The following HS3ST5 variants were observed in gnomAD, a reference collection of about 807,000 sequenced individuals.
The protein encoded by HS3ST5 is heparan sulfate glucosamine 3-O-sulfotransferase 5.
Under a neutral mutation model 25.4 loss-of-function variants are expected in HS3ST5, and 10 were observed. That is an observed-to-expected ratio of 0.39 (90% CI 0.24 to 0.67). HS3ST5 has a LOEUF of 0.67. Ranked by LOEUF, HS3ST5 falls within the 30% of genes least tolerant of loss-of-function variation. The probability of loss-of-function intolerance (pLI) is 0.44; values close to 1 mark genes in which losing one functional copy is unlikely to be tolerated. For missense variants in HS3ST5, 324 were observed against 420.7 expected (o/e 0.77, Z 2.01); for synonymous variants, 170 against 162.4 (o/e 1.05, Z -0.36).
intron 2 of HS3ST5, among the ~76,000 whole-genome samples, chr6:114,226,822 T>C (rs1029181781): frequency 2.6e-5 from 4 of 151,954 alleles, no homozygotes; most frequent in Non-Finnish European, 5.9e-5. Flanking sequence ...ATAATGAACA[T>C]GATTCACTTC....
rs566875236 is a variant in HS3ST5, at chr6:114,299,187, T to G, written c.-339+43008A>C. ...AATGGCCCCCTTGGGTGTAGCCATC[T>G]TCTATGGTTGAAACTGTAGGGATGA... is the stretch of plus-strand genomic sequence containing the variant. On this transcript the variant is annotated intron_variant, in intron 1 of 4. Coordinates refer to ENST00000312719, the MANE Select transcript of HS3ST5 (RefSeq NM_153612.4). 7.2e-5 allele frequency among the ~76,000 whole-genome samples: 11 copies of G among 152,300 alleles called. No individual in the cohort carries two copies. In the East Asian group the frequency reaches 2.1e-3, roughly 29 times the overall value.
At chr6:114,117,620 T>A (rs2114866266) in intron 3 of HS3ST5, among the ~76,000 whole-genome samples, 1 of 152,276 alleles carries the variant, frequency 6.6e-6, no homozygotes. Context: ...GGCCATCCAA[T>A]CTAACTTCTT....
At chr6:114,303,945 C>T (rs1391412422) in intron 1 of HS3ST5, among the ~76,000 whole-genome samples, 4 of 152,146 alleles carry the variant, frequency 2.6e-5, no homozygotes, top group African/African-American at 7.2e-5. Flanking sequence ...GTTTATAAAA[C>T]CACAGTAATG....
intron 1 of HS3ST5, among the ~76,000 whole-genome samples, chr6:114,268,382 G>A (rs74887753): frequency 0.016 from 2,426 of 152,146 alleles, 79 homozygotes; most frequent in African/African-American, 0.055. Flanking sequence ...CTGACTTTGA[G>A]GAATAGAAAA....
At chr6:114,319,447 T>C (rs1210867453) in intron 1 of HS3ST5, among the ~76,000 whole-genome samples, 2 of 152,170 alleles carry the variant, frequency 1.3e-5, no homozygotes, top group Non-Finnish European at 2.9e-5. Flanking sequence ...TATGGCTATG[T>C]CTTGCTGATG....
At chr6:114,338,590 T>C (rs952507583) in intron 1 of HS3ST5, among the ~76,000 whole-genome samples, 4 of 152,072 alleles carry the variant, frequency 2.6e-5, no homozygotes, top group East Asian at 1.9e-4. Flanking sequence ...TGAATTTCCA[T>C]ATGTAATCTT....
At chr6:114,318,263 T>G (rs1007244571) in intron 1 of HS3ST5, among the ~76,000 whole-genome samples, 1 of 152,166 alleles carries the variant, frequency 6.6e-6, no homozygotes, top group African/African-American at 2.4e-5. Context: ...GGACATATAT[T>G]TTTTTAACAA....
At chr6:114,309,337 G>A (rs1318222499) in intron 1 of HS3ST5, among the ~76,000 whole-genome samples, 1 of 152,118 alleles carries the variant, frequency 6.6e-6, no homozygotes, top group Non-Finnish European at 1.5e-5. Context: ...ACTATGTGAG[G>A]GACTTGTCAA....
At chr6:114,265,960 C>T (rs1451597004) in intron 1 of HS3ST5, among the ~76,000 whole-genome samples, 1 of 152,108 alleles carries the variant, frequency 6.6e-6, no homozygotes, top group Non-Finnish European at 1.5e-5. Context: ...ATTTATATGT[C>T]CATGACTCCC....
intron 3 of HS3ST5, among the ~76,000 whole-genome samples, chr6:114,153,511 C>A (rs1020731249): frequency 2.0e-5 from 3 of 152,188 alleles, no homozygotes; most frequent in Non-Finnish European, 4.4e-5. Context: ...TCTTCGTATT[C>A]ATTTTCTCAA....
intron 3 of HS3ST5, among the ~76,000 whole-genome samples, chr6:114,108,900 C>T (rs1421715589): frequency 2.0e-5 from 3 of 152,196 alleles, no homozygotes; most frequent in African/African-American, 7.2e-5. Context: ...CAGTGGCTCA[C>T]TCCTGTAATC....
chr6:114,277,814 T>A (rs185836029), intron 1 of HS3ST5, among the ~76,000 whole-genome samples: 111 of 152,124 alleles, frequency 7.3e-4, no homozygotes, highest in African/African-American at 2.6e-3. Flanking sequence ...TATTCTTATA[T>A]CCCTTCTTGA....
intron 3 of HS3ST5, among the ~76,000 whole-genome samples, chr6:114,069,132 A>G (rs1773637179): frequency 1.3e-5 from 2 of 152,224 alleles, no homozygotes; most frequent in Non-Finnish European, 2.9e-5. Context: ...AGTAAAAACA[A>G]TAAGAGGAAC....
chr6:114,266,654 C>G (rs1183260354), intron 1 of HS3ST5, among the ~76,000 whole-genome samples: 3 of 152,044 alleles, frequency 2.0e-5, no homozygotes, highest in African/African-American at 7.2e-5. Context: ...AATAATTTGC[C>G]ACTATTTTTC....
intron 1 of HS3ST5, among the ~76,000 whole-genome samples, chr6:114,311,899 C>T (rs1775552400): frequency 6.6e-6 from 1 of 152,108 alleles, no homozygotes; most frequent in Non-Finnish European, 1.5e-5. Context: ...TCATAATTTA[C>T]TATGCATTTC....
At chr6:114,209,087 G>T (rs1382240032) in intron 2 of HS3ST5, among the ~76,000 whole-genome samples, 1 of 152,030 alleles carries the variant, frequency 6.6e-6, no homozygotes, top group Non-Finnish European at 1.5e-5. Context: ...GAGGTGTGGG[G>T]GCTGTGGAAT....
At chr6:114,300,124 C>A (rs1242422163) in intron 1 of HS3ST5, among the ~76,000 whole-genome samples, 1 of 149,660 alleles carries the variant, frequency 6.7e-6, no homozygotes, top group Admixed American at 6.7e-5. Flanking sequence ...AGATATGACA[C>A]CAAAAGTATG....
At chr6:114,227,566 G>A (rs1204055395) in intron 2 of HS3ST5, among the ~76,000 whole-genome samples, 1 of 151,960 alleles carries the variant, frequency 6.6e-6, no homozygotes, top group Admixed American at 6.6e-5. Flanking sequence ...ATACAATAAA[G>A]TGATATTCAC....
intron 2 of HS3ST5, among the ~76,000 whole-genome samples, chr6:114,196,076 G>A (rs561035511): frequency 6.6e-6 from 1 of 152,272 alleles, no homozygotes; most frequent in Non-Finnish European, 1.5e-5. Context: ...TGTAAAAACA[G>A]CAACCCTCTT....
Sources: gnomAD v4.1 joint callset for allele counts (sites outside exome capture counted in the v4.1 genomes callset) on GRCh38, gnomAD v4.1.1 for gene constraint, MANE v1.5 for transcripts, NCBI Gene and HGNC (gene_info 2026-07-23, HGNC 2026-07-21) for gene names.